Variants in TSEN2 observed in about 807,000 individuals in gnomAD.
TSEN2 encodes tRNA-splicing endonuclease subunit Sen2.
Under a neutral mutation model 59.2 loss-of-function variants are expected in TSEN2, and 54 were observed. The observed-to-expected ratio is 0.91, with a 90% CI of 0.73 to 1.14. The LOEUF is 1.14. Among genes scored for constraint, TSEN2 ranks in the 50% most tolerant of loss-of-function variants. The pLI, the probability that TSEN2 is intolerant of heterozygous loss-of-function variation, is 0.00. For synonymous variants in TSEN2, 195 were observed against 198.2 expected, an observed-to-expected ratio of 0.98 and a Z score of 0.14; for missense variants, 636 against 576.2, an observed-to-expected ratio of 1.10 and a Z score of -1.06.
At chr3:12,510,614 G>A (rs1306733176) in intron 6 of TSEN2, among the ~76,000 whole-genome samples, 4 of 152,050 alleles carry the variant, frequency 2.6e-5, no homozygotes, top group Admixed American at 6.5e-5. Flanking sequence ...TCTTGTGCCC[G>A]GCTCTTCCAT....
At chr3:12,512,354 A>G (rs1303843118) in intron 6 of TSEN2, among the ~76,000 whole-genome samples, 2 of 152,212 alleles carry the variant, frequency 1.3e-5, no homozygotes, top group African/African-American at 2.4e-5. Flanking sequence ...ACTCACATGA[A>G]AAAACACTTC....
intron 5 of TSEN2, among the ~76,000 whole-genome samples, chr3:12,504,316 T>C (rs1338346387): frequency 1.3e-5 from 2 of 152,188 alleles, no homozygotes; most frequent in Non-Finnish European, 2.9e-5. Flanking sequence ...GTGCAGTGGC[T>C]CACACCTGTA....
upstream of TSEN2, among the ~76,000 whole-genome samples, chr3:12,480,528 G>GGTTTTTTTTTT (rs1553565213): frequency 3.7e-4 from 34 of 91,738 alleles, 1 homozygote; most frequent in African/African-American, 1.2e-3. Context: ...TTGTTTCTTT[G>GGTTTTTTTTTT]TTTTTTTTTT....
chr3:12,535,861 A>G (rs2057662886), downstream of TSEN2, among the ~76,000 whole-genome samples: 1 of 152,214 alleles, frequency 6.6e-6, no homozygotes, highest in Non-Finnish European at 1.5e-5. Flanking sequence ...ACTCGGGTCC[A>G]CATTTCAAAT....
At chr3:12,495,126 CAAAAAA>C (rs1160986136) in intron 3 of TSEN2, among the ~76,000 whole-genome samples, 15 of 68,708 alleles carry the variant, frequency 2.2e-4, no homozygotes, top group African/African-American at 8.8e-4. Flanking sequence ...ACTCCGTCTC[CAAAAAA>C]AAAAAAAAAA....
chr3:12,510,486 T>A (rs1334743613), intron 6 of TSEN2, among the ~76,000 whole-genome samples: 1 of 152,114 alleles, frequency 6.6e-6, no homozygotes, highest in Non-Finnish European at 1.5e-5. Context: ...AAGACAATAG[T>A]CCCCACACAG....
intron 8 of TSEN2, among the ~76,000 whole-genome samples, chr3:12,524,752 T>G (rs905932768): frequency 6.6e-6 from 1 of 150,924 alleles, no homozygotes; most frequent in Non-Finnish European, 1.5e-5. Flanking sequence ...TTTTTTTTTT[T>G]TTTTTCTTGA....
At chr3:12,526,807 G>A (rs2057120551) in intron 8 of TSEN2, among the ~76,000 whole-genome samples, 1 of 152,220 alleles carries the variant, frequency 6.6e-6, no homozygotes, top group African/African-American at 2.4e-5. Flanking sequence ...AAACTAAGCT[G>A]TGCTGTGTCG....
intron 4 of TSEN2, among the ~76,000 whole-genome samples, chr3:12,502,761 T>C (rs1484790581): frequency 6.7e-6 from 1 of 149,498 alleles, no homozygotes; most frequent in Non-Finnish European, 1.5e-5. Flanking sequence ...AAGTAACATA[T>C]GCTTGTTGCA....
At chr3:12,532,386 A>G (rs539424976) in intron 11 of TSEN2, among the ~76,000 whole-genome samples, 1 of 152,326 alleles carries the variant, frequency 6.6e-6, no homozygotes, top group East Asian at 1.9e-4. Flanking sequence ...GCTAGCTTTC[A>G]TCCCGCCCAC....
chr3:12,503,823 C>A, intron 5 of TSEN2, 39 bp downstream of exon 5: 1 of 1,597,064 alleles, frequency 6.3e-7, no homozygotes, highest in Non-Finnish European at 8.5e-7. Context: ...CCAAAGCCAT[C>A]CGTTCCTGGA....
intron 6 of TSEN2, among the ~76,000 whole-genome samples, chr3:12,508,912 G>A (rs1178184103): frequency 6.6e-6 from 1 of 152,166 alleles, no homozygotes; most frequent in Admixed American, 6.5e-5. Context: ...CCAGGCTGGA[G>A]TGCAGTGGCA....
chr3:12,537,694 A>T (rs1047835616), downstream of TSEN2, among the ~76,000 whole-genome samples: 4 of 152,160 alleles, frequency 2.6e-5, no homozygotes, highest in Admixed American at 1.3e-4. Context: ...TTCATGGTCA[A>T]ACCCTGGTTT....
At chr3:12,517,379 C>T (rs1248291067) in intron 7 of TSEN2, among the ~76,000 whole-genome samples, 1 of 61,804 alleles carries the variant, frequency 1.6e-5, no homozygotes, top group African/African-American at 1.3e-4. Context: ...AAAGAATTTG[C>T]AGATAAGGTA....
chr3:12,517,257 C>G (rs943664565), intron 7 of TSEN2, among the ~76,000 whole-genome samples: 4 of 149,050 alleles, frequency 2.7e-5, no homozygotes, highest in African/African-American at 7.5e-5. Context: ...AATCAAGAGG[C>G]TGAGGCAGGA....
chr3:12,500,652 C>T (rs2054199339), intron 4 of TSEN2, among the ~76,000 whole-genome samples: 1 of 152,204 alleles, frequency 6.6e-6, no homozygotes, highest in Non-Finnish European at 1.5e-5. Flanking sequence ...AAAAACTCCA[C>T]AATGATATAG....
chr3:12,496,549 A>G lies in TSEN2; in HGVS notation c.303A>G (p.Ser101=). The part of the protein sequence containing the change: ...DMKTNMPIIT[S]KRYQHSVEWA... Reference sequence around the variant, plus strand: ...AGACAAACATGCCTATCATCACATCAAAGAGGTAAGTCATAATGAACTTTG... The same window carrying G: ...AGACAAACATGCCTATCATCACATCGAAGAGGTAAGTCATAATGAACTTTG... The change falls in exon 4 of 12, where the codon TCA becomes TCG. Residue 101 remains serine (S), a synonymous_variant. Transcript: ENST00000284995. 6.2e-7 allele frequency: 1 copy of G among 1,614,138 alleles called. No homozygotes were observed.
chr3:12,501,128 T>C (rs899766542), intron 4 of TSEN2, among the ~76,000 whole-genome samples: 1 of 152,236 alleles, frequency 6.6e-6, no homozygotes, highest in Non-Finnish European at 1.5e-5. Flanking sequence ...AAAGTTCTTT[T>C]AAACGTATGC....
Position 12,532,835 on chromosome 3 carries a change from C to G in TSEN2, c.*114C>G. The G allele has an allele frequency of 3.1e-6, 3 of 954,670 alleles. No individual in the cohort carries two copies. Among genetic ancestry groups the G allele is most frequent in the Non-Finnish European group, 5.0e-6 (3 of 602,432 alleles). The allele number at this position is 954,670 out of a possible 1,614,324, so 59.1% of individuals were successfully genotyped here. A position where few individuals can be genotyped will look rare whatever the true frequency, so the allele number is the denominator to read the frequency against. ...CATAAGTTTTAAAGGGCATGGTGCT[C>G]CCAGCACCAGAAAACTATCAGTGTT... On this transcript the variant is annotated 3_prime_UTR_variant, in exon 12 of 12. Transcript: ENST00000284995.
Sources: allele counts gnomAD v4.1 joint callset (sites outside exome capture counted in the v4.1 genomes callset), GRCh38; gene constraint gnomAD v4.1.1; transcripts MANE v1.5; gene names NCBI Gene and HGNC (gene_info 2026-07-23, HGNC 2026-07-21).